ARL15: variants seen among roughly 807,000 people sequenced by gnomAD.
The protein encoded by ARL15 is ADP-ribosylation factor-like protein 15.
ARL15 carries 19 observed loss-of-function variants against 25.2 expected under a neutral mutation model. The ratio of observed to expected loss-of-function variants is 0.75; its 90% CI spans 0.53 to 1.10. The LOEUF is 1.10. Among genes scored for constraint, ARL15 ranks in the 50% least tolerant of loss-of-function variants. The pLI, the probability that ARL15 is intolerant of heterozygous loss-of-function variation, is 0.00. For synonymous variants in ARL15, 94 were observed against 86.8 expected, an observed-to-expected ratio of 1.08 and a Z score of -0.46; for missense variants, 220 against 246.0, an observed-to-expected ratio of 0.89 and a Z score of 0.71.
chr5:53,887,726 T>C (rs1007764009), intron 4 of ARL15, among the ~76,000 whole-genome samples: 1 of 152,312 alleles, frequency 6.6e-6, no homozygotes, highest in Non-Finnish European at 1.5e-5. Flanking sequence ...TCAAAGATGT[T>C]CTTGGTTAAC....
At chr5:54,153,822 TAAACA>T (rs555478587) in intron 3 of ARL15, among the ~76,000 whole-genome samples, 3 of 151,762 alleles carry the variant, frequency 2.0e-5, no homozygotes, top group Non-Finnish European at 4.4e-5. Flanking sequence ...TAAGGGAAAA[TAAACA>T]AAACAAAACA....
chr5:53,940,287 A>G (rs1213518108), intron 4 of ARL15, among the ~76,000 whole-genome samples: 1 of 152,172 alleles, frequency 6.6e-6, no homozygotes, highest in African/African-American at 2.4e-5. Flanking sequence ...TGAAGTTTTA[A>G]AACTAGACCA....
chr5:53,996,889 T>G (rs1748695328), intron 4 of ARL15, among the ~76,000 whole-genome samples: 1 of 152,148 alleles, frequency 6.6e-6, no homozygotes, highest in Non-Finnish European at 1.5e-5. Context: ...AGCACTGGGA[T>G]GGACACAGGC....
intron 3 of ARL15, among the ~76,000 whole-genome samples, chr5:54,145,108 C>T (rs1479447662): frequency 6.6e-6 from 1 of 151,606 alleles, no homozygotes; most frequent in East Asian, 1.9e-4. Flanking sequence ...AGAATTTTGG[C>T]TATGGAAGAA....
chr5:54,126,234 C>T (rs559713237), intron 3 of ARL15, among the ~76,000 whole-genome samples: 14 of 152,278 alleles, frequency 9.2e-5, no homozygotes, highest in Admixed American at 7.8e-4. Flanking sequence ...ATGCTCTCAT[C>T]TAATTTTCTC....
intron 2 of ARL15, among the ~76,000 whole-genome samples, chr5:54,168,514 C>T (rs1754639185): frequency 6.6e-6 from 1 of 151,908 alleles, no homozygotes; most frequent in African/African-American, 2.4e-5. Context: ...TTTACAGTAG[C>T]AGTAACATCC....
intron 4 of ARL15, among the ~76,000 whole-genome samples, chr5:54,071,979 G>GTAAAAAA (rs1751438041): frequency 7.9e-6 from 1 of 126,176 alleles, no homozygotes; most frequent in Non-Finnish European, 1.6e-5. Context: ...CTCAAAAAAA[G>GTAAAAAA]AAAAAAAAAA....
intron 4 of ARL15, among the ~76,000 whole-genome samples, chr5:53,994,670 C>T (rs939992476): frequency 3.3e-5 from 5 of 152,154 alleles, no homozygotes; most frequent in Admixed American, 1.3e-4. Flanking sequence ...TTTGCTGAGA[C>T]CACCAACAGT....
intron 4 of ARL15, among the ~76,000 whole-genome samples, chr5:53,918,600 A>T (rs1745735545): frequency 6.6e-6 from 1 of 152,170 alleles, no homozygotes; most frequent in South Asian, 2.1e-4. Flanking sequence ...GGGTCATGCA[A>T]AATAAAGCTT....
At chr5:54,133,828 A>G (rs1753513108) in intron 3 of ARL15, among the ~76,000 whole-genome samples, 1 of 152,198 alleles carries the variant, frequency 6.6e-6, no homozygotes, top group African/African-American at 2.4e-5. Context: ...CAGTTAAAGG[A>G]GGATAAAGCT....
At chr5:54,060,028 A>G (rs1751013976) in intron 4 of ARL15, among the ~76,000 whole-genome samples, 1 of 150,888 alleles carries the variant, frequency 6.6e-6, no homozygotes. Flanking sequence ...TCCCCACCCA[A>G]ATCTCATCCT....
intron 4 of ARL15, among the ~76,000 whole-genome samples, chr5:54,061,773 T>A (rs1751069388): frequency 6.6e-6 from 1 of 151,136 alleles, no homozygotes; most frequent in African/African-American, 2.4e-5. Context: ...GGGCTTGGAG[T>A]CCCCACACAG....
chr5:54,267,828 G>A (rs1232919925), intron 1 of ARL15, among the ~76,000 whole-genome samples: 4 of 151,952 alleles, frequency 2.6e-5, no homozygotes, highest in Non-Finnish European at 4.4e-5. Context: ...AGTTTCTGCC[G>A]AGAGATCCGC....
chr5:54,159,666 C>T (rs1026897880), intron 2 of ARL15, among the ~76,000 whole-genome samples: 10 of 152,190 alleles, frequency 6.6e-5, no homozygotes, highest in Non-Finnish European at 1.5e-4. Context: ...GCCTAAGTTA[C>T]GCAGTCATTT....
chr5:53,956,447 C>A (rs1220157828), intron 4 of ARL15, among the ~76,000 whole-genome samples: 1 of 148,976 alleles, frequency 6.7e-6, no homozygotes, highest in African/African-American at 2.4e-5. Flanking sequence ...AAAGACCATA[C>A]TTCCTCTTTC....
intron 1 of ARL15, among the ~76,000 whole-genome samples, chr5:54,222,153 GCA>G (rs1382596537): frequency 6.6e-6 from 1 of 152,136 alleles, no homozygotes; most frequent in African/African-American, 2.4e-5. Flanking sequence ...TTTCTAAGAA[GCA>G]CAATTCAGTT....
intron 1 of ARL15, among the ~76,000 whole-genome samples, chr5:54,177,420 A>T (rs923300989): frequency 6.6e-6 from 1 of 152,236 alleles, no homozygotes; most frequent in Non-Finnish European, 1.5e-5. Flanking sequence ...AAGGAAGGTG[A>T]CTACAAATAT....
chr5:54,129,287 TC>T (rs1753362478), intron 3 of ARL15, among the ~76,000 whole-genome samples: 2 of 152,044 alleles, frequency 1.3e-5, no homozygotes, highest in South Asian at 2.1e-4. Flanking sequence ...AACCTAAAGC[TC>T]CCATGCTTAA....
intron 2 of ARL15, among the ~76,000 whole-genome samples, chr5:54,164,982 C>A (rs1024417063): frequency 6.6e-6 from 1 of 151,300 alleles, no homozygotes; most frequent in South Asian, 2.1e-4. Context: ...TTTGATAATT[C>A]TATTTTCATC....
Sources: gnomAD v4.1 joint callset for allele counts (sites outside exome capture counted in the v4.1 genomes callset) on GRCh38, gnomAD v4.1.1 for gene constraint, MANE v1.5 for transcripts, NCBI Gene and HGNC (gene_info 2026-07-23, HGNC 2026-07-21) for gene names.